Variants in PELI3 observed in about 807,000 individuals in gnomAD.
PELI3 encodes the protein E3 ubiquitin-protein ligase pellino homolog 3.
A neutral mutation model predicts 35.5 loss-of-function variants in PELI3; 19 were observed. That is an observed-to-expected ratio of 0.54 (90% confidence interval 0.37 to 0.79). The LOEUF (loss-of-function observed/expected upper bound fraction) is 0.79. PELI3 is among the 30% of genes least tolerant of loss of function. The probability of loss-of-function intolerance (pLI) is 0.00; values close to 1 mark genes in which losing one functional copy is unlikely to be tolerated. For synonymous variants in PELI3, 262 were observed against 279.2 expected (o/e 0.94, Z 0.62); for missense variants, 490 against 661.2 (o/e 0.74, Z 2.84).
At chr11:66,469,711 G>C (rs1854648156) in intron 3 of PELI3, among the ~76,000 whole-genome samples, 1 of 152,158 alleles carries the variant, frequency 6.6e-6, no homozygotes, top group Non-Finnish European at 1.5e-5. Flanking sequence ...GAGCTGGCTG[G>C]AGGGCACTGA....
At chr11:66,469,250 T>TA (rs149842578) in intron 3 of PELI3, among the ~76,000 whole-genome samples, 36,209 of 145,342 alleles carry the variant, frequency 0.25, 4,572 homozygotes, top group African/African-American at 0.26. Context: ...ACACATGCTT[T>TA]AAAAAAAAAA....
rs200550810 is a variant in PELI3 at position 66,475,987 on chromosome 11, G to A, written c.1230G>A (p.Pro410=). ...CCGGCCTCTGCCTGGACCCTGGGCCGCCTAGCCATGCCTTTGCACCTTGCG... is the reference window on the plus strand; with the variant it reads ...CCGGCCTCTGCCTGGACCCTGGGCCACCTAGCCATGCCTTTGCACCTTGCG... ...QEAGLCLDPG[P]PSHAFAPCGH... is the part of the protein sequence containing the mutation. The change falls in exon 8 of 8, where the codon CCG becomes CCA. Residue 410 remains proline (P), a synonymous_variant. Coordinates refer to ENST00000320740, the MANE Select transcript of PELI3 (RefSeq NM_145065.3). 6.7e-5 allele frequency: 108 copies of A among 1,611,850 alleles called. No homozygotes were observed. In the Middle Eastern group the frequency reaches 8.3e-4, roughly 12 times the overall value.
Position 66,471,306 on chromosome 11 carries a change from C to T in PELI3, c.289C>T (p.Arg97Trp), listed in dbSNP as rs1214754910. Residue 97 changes from arginine to tryptophan, a missense_variant, in exon 4 of 8, where the codon CGG becomes TGG. By Grantham distance (101) the Arg-to-Trp change is moderately radical. Around this residue, in one of 3 missense-constraint regions of PELI3, gnomAD observed 137 missense variants for 157.1 expected, o/e 0.87. Coordinates refer to ENST00000320740, the MANE Select transcript of PELI3 (RefSeq NM_145065.3). ...GCGAAGCCGCCTGGCACTGAGCCGCCGGTCGCACGCCAACGGGGTGAAGCC... is the reference window on the plus strand; with the variant it reads ...GCGAAGCCGCCTGGCACTGAGCCGCTGGTCGCACGCCAACGGGGTGAAGCC... The part of the protein sequence containing the change: ...RRRSRLALSR[R>W]SHANGVKPDV... 1.9e-6 allele frequency: 3 copies of T among 1,613,970 alleles called. No homozygotes were observed. Among genetic ancestry groups the T allele is most frequent in the Non-Finnish European group, 2.5e-6 (3 of 1,179,984 alleles).
Position 66,476,428 on chromosome 11 carries a change from C to T in PELI3, c.*261C>T. On this transcript the variant is annotated 3_prime_UTR_variant, in exon 8 of 8. Transcript: ENST00000320740. ...GGAAAGCCCAGCCCCATGGCCTTGCCCTTCCTGGGGCATCCCACATCGTGC... is the reference window on the plus strand; with the variant it reads ...GGAAAGCCCAGCCCCATGGCCTTGCTCTTCCTGGGGCATCCCACATCGTGC... 1.9e-6 allele frequency: 1 copy of T among 532,258 alleles called. No homozygotes were observed. The highest frequency in any genetic ancestry group is 3.3e-6 in the Non-Finnish European group (1 of 300,564). 33.0% of individuals were successfully genotyped at this position (532,258 alleles called of 1,614,324 possible).
rs1854794782 is a variant in PELI3, at chr11:66,473,512, G to A, written c.651+77G>A. On this transcript the variant is annotated intron_variant, in intron 6 of 7. Transcript: ENST00000320740. This position sits in a 1 kb window ranked among gnomAD's most constrained non-coding sequence, Gnocchi z 5.8. ...GGCTTGGGAGGTGCAGCATCTTGAG[G>A]TGATGAACCAGCCCACAGTAATCCA... 6 of 1,469,582 alleles carry A rather than the reference G, an allele frequency of 4.1e-6. No individual in the cohort carries two copies. Among genetic ancestry groups the A allele is most frequent in the Admixed American group, 2.2e-5 (1 of 45,918 alleles). The allele number at this position is 1,469,582 out of a possible 1,614,324, so 91.0% of individuals were successfully genotyped here.
At chr11:66,468,023 G>A in intron 1 of PELI3, 105 bp from the exon 2 acceptor site, 3 of 1,386,064 alleles carry the variant, frequency 2.2e-6, no homozygotes, top group Non-Finnish European at 1.9e-6. Context: ...GCGGTGAAAG[G>A]TCACCCTTGC....
In PELI3 at chr11:66,476,388, T is replaced by C. The variant is rs990010932; in HGVS notation, c.*221T>C. ...GATGGGGCCTTCAGCACCAGCTCTG[T>C]CCTGGGTCGATGGAGGAAAGCCCAG... On this transcript the variant is annotated 3_prime_UTR_variant, in exon 8 of 8. Coordinates refer to ENST00000320740, the MANE Select transcript of PELI3 (RefSeq NM_145065.3). The C allele has an allele frequency of 5.1e-6, 3 of 589,910 alleles. No homozygotes were observed. In the African/African-American group the frequency reaches 5.6e-5, roughly 11 times the overall value. The allele number at this position is 589,910 out of a possible 1,614,324, so 36.5% of individuals were successfully genotyped here. A position where few individuals can be genotyped will look rare whatever the true frequency, so the allele number is the denominator to read the frequency against.
chr11:66,468,789 C>A, intron 2 of PELI3, 44 bp from the exon 3 acceptor site: 2 of 773,616 alleles, frequency 2.6e-6, no homozygotes, highest in Admixed American at 1.7e-5. Flanking sequence ...CAGGCCTGTG[C>A]CAAGCCCTTT....
In PELI3 at chr11:66,467,463, C is replaced by G. The variant is rs757406108; in HGVS notation, c.-2+436C>G. The G allele has an allele frequency of 6.6e-6, 1 of 152,232 alleles. No individual in the cohort carries two copies. The highest frequency in any genetic ancestry group is 2.4e-5 in the African/African-American group (1 of 41,416). 9.4% of individuals were successfully genotyped at this position (152,232 alleles called of 1,614,324 possible). A position where few individuals can be genotyped will look rare whatever the true frequency, so the allele number is the denominator to read the frequency against. ...CCTGAGACCCGGGCGGCTGGGGACG[C>G]AGACAGACACCTGAGGGAGGGAAGA... On this transcript the variant is annotated intron_variant, in intron 1 of 7. Transcript: ENST00000320740. The surrounding 1 kb of genome is among the most constrained non-coding windows in gnomAD (Gnocchi z 4.2).
rs1222583921 is a variant in PELI3 at position 66,473,442 on chromosome 11, G to C, written c.651+7G>C. The C allele has an allele frequency of 1.9e-6, 3 of 1,604,424 alleles. No individual in the cohort carries two copies. The African/African-American group carries it at 4.0e-5, about 21-fold the overall frequency. On this transcript the variant is annotated splice_region_variant and intron_variant, in intron 6 of 7. Coordinates refer to ENST00000320740, the MANE Select transcript of PELI3 (RefSeq NM_145065.3). The surrounding 1 kb of genome is among the most constrained non-coding windows in gnomAD (Gnocchi z 5.8). ...TAGCAACATCTTCCTTGGAGTGAGT[G>C]AGCCCCAGGAAGGGACCAACTCTTC...
chr11:66,474,583 T>C (rs1342283503), intron 7 of PELI3: 1 of 155,856 alleles, frequency 6.4e-6, no homozygotes, highest in Non-Finnish European at 1.4e-5. Flanking sequence ...TGGCTTTTCT[T>C]TCCAGAGCGT....
intron 1 of PELI3, 42 bp from the exon 2 acceptor site, chr11:66,468,086 G>T: frequency 6.5e-7 from 1 of 1,545,582 alleles, no homozygotes; most frequent in Non-Finnish European, 8.8e-7. Context: ...GCCGGGCTGG[G>T]GTGGGAACCT....
intron 7 of PELI3, 170 bp from the exon 8 acceptor site, chr11:66,475,428 C>A (rs531668321): frequency 3.2e-6 from 2 of 620,730 alleles, no homozygotes; most frequent in East Asian, 3.0e-5. Flanking sequence ...GGGGGATCAG[C>A]ATGTGCCTGG....
rs1403989881 is a variant in PELI3, at chr11:66,473,697, G to A, written c.652-40G>A. The A allele has an allele frequency of 1.9e-6, 3 of 1,603,202 alleles. No individual in the cohort carries two copies. ...CCTCTGGCACATGGCCTGCTGGGGGGCCCCTGGGGGATGTGATCTGATCCC... is the reference window on the plus strand; with the variant it reads ...CCTCTGGCACATGGCCTGCTGGGGGACCCCTGGGGGATGTGATCTGATCCC... On this transcript the variant is annotated intron_variant, in intron 6 of 7. Coordinates refer to ENST00000320740, the MANE Select transcript of PELI3 (RefSeq NM_145065.3). This position sits in a 1 kb window ranked among gnomAD's most constrained non-coding sequence, Gnocchi z 5.8.
chr11:66,468,330 G>A, intron 2 of PELI3, 50 bp downstream of exon 2: 2 of 1,406,294 alleles, frequency 1.4e-6, no homozygotes, highest in Non-Finnish European at 1.9e-6. Context: ...CCCACCCAAC[G>A]CAGCCAGAAC....
At chr11:66,471,487 T>C in intron 4 of PELI3, 116 bp downstream of exon 4, 1 of 1,355,188 alleles carries the variant, frequency 7.4e-7, no homozygotes, top group African/African-American at 1.5e-5. Flanking sequence ...GAGCCCACTT[T>C]GTGTCATCAC....
chr11:66,473,584 G>A lies in PELI3; in HGVS notation c.651+149G>A. 7.6e-7 allele frequency: 1 copy of A among 1,316,432 alleles called. No homozygotes were observed. Among genetic ancestry groups the A allele is most frequent in the South Asian group, 1.4e-5 (1 of 71,506 alleles). The allele number at this position is 1,316,432 out of a possible 1,614,324, so 81.5% of individuals were successfully genotyped here. A position where few individuals can be genotyped will look rare whatever the true frequency, so the allele number is the denominator to read the frequency against. Reference sequence around the variant, plus strand: ...CAACCCCACCTAACTGATGAGCAAAGTGAGGCCCAGAGAGACGCTCAAGTC... The same window carrying A: ...CAACCCCACCTAACTGATGAGCAAAATGAGGCCCAGAGAGACGCTCAAGTC... On this transcript the variant is annotated intron_variant, in intron 6 of 7. Coordinates refer to ENST00000320740, the MANE Select transcript of PELI3 (RefSeq NM_145065.3). The surrounding 1 kb of genome is among the most constrained non-coding windows in gnomAD (Gnocchi z 5.8).
chr11:66,468,867 C>A lies in PELI3; in HGVS notation c.187C>A (p.Gln63Lys), dbSNP rs765540397. 1.2e-5 allele frequency: 9 copies of A among 779,152 alleles called. No homozygotes were observed. In the Admixed American group the frequency reaches 1.4e-4, roughly 12 times the overall value. 48.3% of individuals were successfully genotyped at this position (779,152 alleles called of 1,614,324 possible). Reference protein sequence around the residue: ...CEEGGEETEAQRGEVTGPRAH... With the variant: ...CEEGGEETEAKRGEVTGPRAH... ...GGAAGGAGGTGAGGAAACCGAGGCT[C>A]AGAGAGGGGAAGTGACTGGCCCAAG... is the stretch of plus-strand genomic sequence containing the variant. Residue 63 changes from glutamine (Q) to lysine (K), a missense_variant, in exon 3 of 8, where the codon CAG becomes AAG. Coordinates refer to ENST00000320740, the MANE Select transcript of PELI3 (RefSeq NM_145065.3).
In PELI3 at chr11:66,473,404, G is replaced by A; in HGVS notation, c.620G>A (p.Gly207Asp). Residue 207 changes from glycine to aspartate, a missense_variant, in exon 6 of 8, where the codon GGC becomes GAC. Physicochemically the swap from Gly to Asp is moderately conservative, Grantham distance 94 (BLOSUM62 -1). Transcript: ENST00000320740. This position sits in a 1 kb window ranked among gnomAD's most constrained non-coding sequence, Gnocchi z 5.8. ...PPYTARIYAAGFDASSNIFLG... is the reference protein window; with the variant it reads ...PPYTARIYAADFDASSNIFLG... ...TATACTGCCCGCATCTATGCCGCTG[G>A]CTTCGATGCCTCTAGCAACATCTTC... The A allele has an allele frequency of 1.2e-6, 2 of 1,613,284 alleles. No individual in the cohort carries two copies. The highest frequency in any genetic ancestry group is 1.7e-6 in the Non-Finnish European group (2 of 1,179,802).
Sources: allele counts gnomAD v4.1 joint callset (sites outside exome capture counted in the v4.1 genomes callset), GRCh38; gene constraint gnomAD v4.1.1; regional missense constraint gnomAD v4.1.1; non-coding constraint Gnocchi (gnomAD v3.1); transcripts MANE v1.5; gene names NCBI Gene and HGNC (gene_info 2026-07-23, HGNC 2026-07-21).